The following CC2D1A variants were observed in gnomAD, a reference collection of about 807,000 sequenced individuals.
The protein encoded by CC2D1A is coiled-coil and C2 domain-containing protein 1A.
In CC2D1A, 68 loss-of-function variants were observed where a neutral mutation model predicts 123.8. That is an observed-to-expected ratio of 0.55 (90% confidence interval 0.45 to 0.67). The LOEUF (loss-of-function observed/expected upper bound fraction) is 0.67. CC2D1A is among the 30% of genes least tolerant of loss of function. The pLI is 0.00. For synonymous variants in CC2D1A, 477 were observed against 528.0 expected (o/e 0.90, Z 1.32); for missense variants, 1,185 against 1,290.3 (o/e 0.92, Z 1.25).
rs372979862 is a variant in CC2D1A at position 13,927,189 on chromosome 19, C to T, written c.2240C>T (p.Thr747Ile). ...EVVHKGGLFK[T>I]DRVLGTAQLK... ...CATGCACACAGGGGGCTGTTCAAGACTGACCGGGTGCTGGGGACAGCCCAG... is the reference window on the plus strand; with the variant it reads ...CATGCACACAGGGGGCTGTTCAAGATTGACCGGGTGCTGGGGACAGCCCAG... The change falls in exon 22 of 29, where the codon ACT becomes ATT. Residue 747 changes from threonine to isoleucine, a missense_variant. Coordinates refer to ENST00000318003, the MANE Select transcript of CC2D1A (RefSeq NM_017721.5). 101 of 1,614,006 alleles carry T rather than the reference C, an allele frequency of 6.3e-5. No individual in the cohort carries two copies. Among genetic ancestry groups the T allele is most frequent in the Non-Finnish European group, 7.9e-5 (93 of 1,180,026 alleles).
At chr19:13,925,569 T>A (rs1335813282) in intron 17 of CC2D1A, among the ~76,000 whole-genome samples, 1 of 149,856 alleles carries the variant, frequency 6.7e-6, no homozygotes, top group African/African-American at 2.5e-5. Context: ...AGAGTGAGAC[T>A]GTCTCAAAAA....
intron 6 of CC2D1A, among the ~76,000 whole-genome samples, chr19:13,915,154 TA>T (rs1277643024): frequency 1.3e-5 from 2 of 152,276 alleles, no homozygotes; most frequent in East Asian, 3.8e-4. Context: ...AAGTTTGGCA[TA>T]AAACTTGTCA....
intron 6 of CC2D1A, among the ~76,000 whole-genome samples, chr19:13,916,476 A>T (rs971158086): frequency 6.6e-6 from 1 of 152,088 alleles, no homozygotes; most frequent in Non-Finnish European, 1.5e-5. Flanking sequence ...AGGTGGGAGA[A>T]TCACTTGAGC....
At chr19:13,908,055 G>T (rs772203194) in intron 1 of CC2D1A, among the ~76,000 whole-genome samples, 1 of 152,260 alleles carries the variant, frequency 6.6e-6, no homozygotes, top group Admixed American at 6.5e-5. Context: ...CCCCAGGCTG[G>T]AGTGCAGTGG....
intron 6 of CC2D1A, 70 bp from the exon 7 acceptor site, chr19:13,918,000 T>A: frequency 6.7e-7 from 1 of 1,503,216 alleles, no homozygotes; most frequent in Non-Finnish European, 9.0e-7. Context: ...AATAAATAAA[T>A]AACAAATGGT....
At chr19:13,910,281 G>C (rs868449344) in intron 2 of CC2D1A, among the ~76,000 whole-genome samples, 45 of 151,220 alleles carry the variant, frequency 3.0e-4, no homozygotes, top group Admixed American at 7.9e-4. Context: ...GGTGGCGGGC[G>C]CCTGTAGTCC....
chr19:13,917,148 C>A (rs1371301561), intron 6 of CC2D1A, among the ~76,000 whole-genome samples: 1 of 152,098 alleles, frequency 6.6e-6, no homozygotes, highest in Non-Finnish European at 1.5e-5. Flanking sequence ...TCAAAATTCC[C>A]AACTGCTTAA....
Position 13,926,022 on chromosome 19 carries a change from A to G in CC2D1A, c.1941-495A>G, listed in dbSNP as rs1373660327. Among the ~76,000 whole-genome samples, 8 of 105,850 alleles carry G rather than the reference A, an allele frequency of 7.6e-5. No homozygotes were observed. In the East Asian group the frequency reaches 1.2e-3, roughly 15 times the overall value. 69.4% of individuals were successfully genotyped at this position (105,850 alleles called of 152,430 possible). Reference sequence around the variant, plus strand: ...TGTGTATATATATATATACGTATATATATGTGTATATATATATATATACAC... The same window carrying G: ...TGTGTATATATATATATACGTATATGTATGTGTATATATATATATATACAC... On this transcript the variant is annotated intron_variant, in intron 17 of 28. Transcript: ENST00000318003.
At chr19:13,912,628 A>C in intron 4 of CC2D1A, 35 bp downstream of exon 4, 1 of 1,606,518 alleles carries the variant, frequency 6.2e-7, no homozygotes, top group Non-Finnish European at 8.5e-7. Context: ...CTTGAACCAC[A>C]ACCCAACGGA....
At chr19:13,913,136 A>G in intron 4 of CC2D1A, 32 bp from the exon 5 acceptor site, 1 of 1,561,926 alleles carries the variant, frequency 6.4e-7, no homozygotes, top group Non-Finnish European at 8.6e-7. Flanking sequence ...AAGTGGGGTC[A>G]CCACCCACAC....
At chr19:13,913,782 A>G in intron 6 of CC2D1A, 144 bp downstream of exon 6, 2 of 589,966 alleles carry the variant, frequency 3.4e-6, no homozygotes, top group Non-Finnish European at 2.9e-6. Context: ...CCTGGAGTTC[A>G]TGAATACCTC....
In CC2D1A at chr19:13,909,923, G is replaced by A; in HGVS notation, c.161G>A (p.Gly54Asp). Residue 54 changes from glycine to aspartate, a missense_variant, in exon 2 of 29, where the codon GGC becomes GAC. Gly to Asp is a moderately conservative substitution (Grantham distance 94, BLOSUM62 -1). Transcript: ENST00000318003. Reference sequence around the variant, plus strand: ...GCTGAGTTCTTGGCTTTGGTCGGGGGCCAGCCCCCAGCCCTGGAGAAGCTC... The same window carrying A: ...GCTGAGTTCTTGGCTTTGGTCGGGGACCAGCCCCCAGCCCTGGAGAAGCTC... ...LEAEFLALVG[G>D]QPPALEKLKG... 1 of 1,537,230 alleles carries A rather than the reference G, an allele frequency of 6.5e-7. No homozygotes were observed. The highest frequency in any genetic ancestry group is 8.8e-7 in the Non-Finnish European group (1 of 1,141,566).
chr19:13,919,462 G>C (rs944172735), intron 11 of CC2D1A, among the ~76,000 whole-genome samples: 32 of 152,340 alleles, frequency 2.1e-4, no homozygotes, highest in Admixed American at 2.0e-3. Flanking sequence ...AAACCGGCTG[G>C]ACGAGGTGGT....
At chr19:13,925,989 C>CATATATGTGTGTATATATATATATACGT (rs1971600987) in intron 17 of CC2D1A, among the ~76,000 whole-genome samples, 2 of 57,302 alleles carry the variant, frequency 3.5e-5, no homozygotes, top group South Asian at 1.2e-3. Flanking sequence ...TATATATATA[C>CATATATGTGTGTATATATATATATACGT]ATATATGTGT....
In CC2D1A at chr19:13,906,245, C is replaced by T. The variant is rs1970720465; in HGVS notation, c.-197C>T. On this transcript the variant is annotated 5_prime_UTR_variant, in exon 1 of 29. Transcript: ENST00000318003. The surrounding 1 kb of genome is among the most constrained non-coding windows in gnomAD (Gnocchi z 4.1). ...CCCGGCGAGCCCAGTGGCCGCGCTCCGGTGCGGCGGCGCCCGAGGCCCGAG... is the reference window on the plus strand; with the variant it reads ...CCCGGCGAGCCCAGTGGCCGCGCTCTGGTGCGGCGGCGCCCGAGGCCCGAG... 4.4e-6 allele frequency: 2 copies of T among 451,890 alleles called. No individual in the cohort carries two copies. Among genetic ancestry groups the T allele is most frequent in the Non-Finnish European group, 7.8e-6 (2 of 257,568 alleles). The allele number at this position is 451,890 out of a possible 1,614,324, so 28.0% of individuals were successfully genotyped here. A position where few individuals can be genotyped will look rare whatever the true frequency, so the allele number is the denominator to read the frequency against.
chr19:13,913,743 A>G (rs1324408603), intron 6 of CC2D1A, 105 bp downstream of exon 6: 2 of 849,856 alleles, frequency 2.4e-6, no homozygotes, highest in Non-Finnish European at 1.8e-6. Context: ...AGATATTTTC[A>G]ACACCCTGAG....
At chr19:13,913,890 C>A (rs1267887487) in intron 6 of CC2D1A, among the ~76,000 whole-genome samples, 2 of 151,854 alleles carry the variant, frequency 1.3e-5, no homozygotes, top group Non-Finnish European at 2.9e-5. Flanking sequence ...TATTTTAGTT[C>A]TTTTTTTTGA....
In CC2D1A at chr19:13,919,037, G is replaced by A. The variant is rs1412124520; in HGVS notation, c.1144G>A (p.Val382Ile). 2 of 1,606,864 alleles carry A rather than the reference G, an allele frequency of 1.2e-6. No homozygotes were observed. The highest frequency in any genetic ancestry group is 1.7e-6 in the Non-Finnish European group (2 of 1,176,404). The change falls in exon 10 of 29, where the codon GTC becomes ATC. Residue 382 changes from valine to isoleucine, a missense_variant. Coordinates refer to ENST00000318003, the MANE Select transcript of CC2D1A (RefSeq NM_017721.5). ...GAAAGCTCGAATGCACGAGCGCATC[G>A]TCAAGGTGCCCTGGGGGTTCCGGGG... ...QRKARMHERI[V>I]KQYQDAIRAH...
At chr19:13,919,639 CTGTA>C (rs1971338082) in intron 11 of CC2D1A, 175 bp from the exon 12 acceptor site, 3 of 496,884 alleles carry the variant, frequency 6.0e-6, no homozygotes, top group Non-Finnish European at 1.0e-5. Context: ...GATCATGCCA[CTGTA>C]CTCCAGCCTG....
Sources: allele counts gnomAD v4.1 joint callset (sites outside exome capture counted in the v4.1 genomes callset), GRCh38; gene constraint gnomAD v4.1.1; non-coding constraint Gnocchi (gnomAD v3.1); transcripts MANE v1.5; gene names NCBI Gene and HGNC (gene_info 2026-07-23, HGNC 2026-07-21).